SRGAP3: variants seen among roughly 807,000 people sequenced by gnomAD.
SRGAP3 encodes the protein SLIT-ROBO Rho GTPase activating protein 3, also known as SLIT-ROBO Rho GTPase-activating protein 3.
A neutral mutation model predicts 121.1 loss-of-function variants in SRGAP3; 39 were observed. That is an observed-to-expected ratio of 0.32 (90% confidence interval 0.25 to 0.42). The LOEUF is 0.42. Among genes scored for constraint, SRGAP3 ranks in the 10% least tolerant of loss-of-function variants. The pLI is 1.00. For synonymous variants in SRGAP3, 601 were observed against 570.0 expected (o/e 1.05, Z -0.77); for missense variants, 1,213 against 1,470.6 (o/e 0.82, Z 2.86).
intron 3 of SRGAP3, among the ~76,000 whole-genome samples, chr3:9,263,421 T>C (rs1392275049): frequency 3.3e-5 from 5 of 151,532 alleles, no homozygotes; most frequent in African/African-American, 1.2e-4. Context: ...AAAAAATCAA[T>C]GAATCCAGGA....
intron 7 of SRGAP3, 89 bp from the exon 8 acceptor site, chr3:9,056,423 T>G: frequency 5.8e-6 from 8 of 1,373,416 alleles, no homozygotes; most frequent in Non-Finnish European, 8.1e-6. Context: ...AACATCCCAA[T>G]CACAGTCCAG....
intron 3 of SRGAP3, among the ~76,000 whole-genome samples, chr3:9,317,788 G>C (rs908732515): frequency 5.3e-5 from 8 of 152,194 alleles, no homozygotes; most frequent in Non-Finnish European, 1.2e-4. Context: ...GATGCTGCTG[G>C]TCCAGGGACC....
intron 21 of SRGAP3, among the ~76,000 whole-genome samples, chr3:8,989,553 C>G (rs1009404202): frequency 3.3e-5 from 5 of 152,126 alleles, no homozygotes; most frequent in Admixed American, 2.0e-4. Context: ...TCTCACAGAC[C>G]AGAAGGTTCT....
chr3:9,209,742 T>C (rs1952382377), intron 1 of SRGAP3, among the ~76,000 whole-genome samples: 1 of 152,210 alleles, frequency 6.6e-6, no homozygotes, highest in African/African-American at 2.4e-5. Flanking sequence ...TTGCCACCAA[T>C]GGAGTTTGGC....
chr3:9,007,010 G>A (rs1349558698), intron 18 of SRGAP3: 1 of 147,452 alleles, frequency 6.8e-6, no homozygotes, highest in Non-Finnish European at 1.5e-5. Context: ...ACTCAGGCTG[G>A]AGTACAGTGG....
intron 1 of SRGAP3, among the ~76,000 whole-genome samples, chr3:9,190,568 T>C (rs1362102641): frequency 2.6e-5 from 4 of 152,168 alleles, no homozygotes; most frequent in African/African-American, 9.7e-5. Flanking sequence ...TCGATGTATT[T>C]ATAGGCTTAA....
At chr3:9,078,255 G>A (rs1410035662) in intron 4 of SRGAP3, among the ~76,000 whole-genome samples, 1 of 152,108 alleles carries the variant, frequency 6.6e-6, no homozygotes, top group Non-Finnish European at 1.5e-5. Flanking sequence ...AGACCTAGGT[G>A]GGAATGAATG....
At chr3:9,015,165 G>A (rs1355520492) in intron 15 of SRGAP3, among the ~76,000 whole-genome samples, 2 of 152,232 alleles carry the variant, frequency 1.3e-5, no homozygotes, top group Middle Eastern at 6.8e-3. Flanking sequence ...GCTCTGGAAT[G>A]TCTGCAAGGC....
At chr3:9,107,428 A>G (rs1948457594) in intron 2 of SRGAP3, among the ~76,000 whole-genome samples, 1 of 152,258 alleles carries the variant, frequency 6.6e-6, no homozygotes, top group African/African-American at 2.4e-5. Flanking sequence ...TCTGGGTACC[A>G]GGCACGCGGC....
chr3:9,160,244 C>T (rs1458881123), intron 1 of SRGAP3, among the ~76,000 whole-genome samples: 1 of 152,178 alleles, frequency 6.6e-6, no homozygotes, highest in African/African-American at 2.4e-5. Flanking sequence ...TTAAAAGAGA[C>T]CTAAGAGCAT....
At chr3:9,117,148 C>T (rs999588898) in intron 2 of SRGAP3, among the ~76,000 whole-genome samples, 2 of 152,244 alleles carry the variant, frequency 1.3e-5, no homozygotes, top group African/African-American at 4.8e-5. Flanking sequence ...TGAATGGAGA[C>T]ACAAGCCCTA....
At chr3:9,106,150 C>A (rs1487811376) in intron 2 of SRGAP3, among the ~76,000 whole-genome samples, 1 of 152,220 alleles carries the variant, frequency 6.6e-6, no homozygotes, top group Non-Finnish European at 1.5e-5. Context: ...CCTCTGTGAG[C>A]CTCAGGAAAG....
At chr3:9,188,046 G>A (rs1270210661) in intron 1 of SRGAP3, among the ~76,000 whole-genome samples, 8 of 152,322 alleles carry the variant, frequency 5.3e-5, no homozygotes, top group Admixed American at 3.3e-4. Context: ...ATGAGGGGGT[G>A]AGGGGAGAAA....
At chr3:9,341,904 T>C (rs1239299221) in intron 1 of SRGAP3, among the ~76,000 whole-genome samples, 2 of 152,134 alleles carry the variant, frequency 1.3e-5, no homozygotes, top group East Asian at 1.9e-4. Context: ...CAAGAGACAT[T>C]TGTGCTACCG....
chr3:9,034,604 A>G (rs569503566), intron 11 of SRGAP3: 2 of 152,404 alleles, frequency 1.3e-5, no homozygotes, highest in South Asian at 4.1e-4. Flanking sequence ...AAACAATGGA[A>G]ACAAAATAAC....
intron 3 of SRGAP3, among the ~76,000 whole-genome samples, chr3:9,315,286 C>T (rs992631220): frequency 6.6e-6 from 1 of 152,222 alleles, no homozygotes; most frequent in Non-Finnish European, 1.5e-5. Flanking sequence ...AGGGCCCCTG[C>T]CTCTCTCCCA....
intron 1 of SRGAP3, among the ~76,000 whole-genome samples, chr3:9,129,902 T>C (rs532747719): frequency 1.1e-4 from 17 of 151,894 alleles, no homozygotes; most frequent in Non-Finnish European, 2.5e-4. Flanking sequence ...GCTGGGATTA[T>C]AGGCACCGGC....
At position 9,109,096 on chromosome 3, in the gene SRGAP3, G is replaced by A. The variant is rs1948524606; in HGVS notation, c.261-4254C>T. On this transcript the variant is annotated intron_variant, in intron 2 of 21. Transcript: ENST00000383836. This position sits in a 1 kb window ranked among gnomAD's most constrained non-coding sequence, Gnocchi z 4.4. ...CTGCTTCCTAGGTGGTGATGGAAAT[G>A]GAAAGATTAAAGGAGAGATGAGATA... Among the ~76,000 whole-genome samples the A allele has an allele frequency of 6.6e-6, 1 of 152,146 alleles. No individual in the cohort carries two copies. Among genetic ancestry groups the A allele is most frequent in the Admixed American group, 6.5e-5 (1 of 15,278 alleles).
chr3:9,249,998 C>T (rs1953966961), upstream of SRGAP3, among the ~76,000 whole-genome samples: 1 of 152,104 alleles, frequency 6.6e-6, no homozygotes, highest in Non-Finnish European at 1.5e-5. Context: ...AGGGCCTGAC[C>T]CATGTAGGGA....
Sources: allele counts gnomAD v4.1 joint callset (sites outside exome capture counted in the v4.1 genomes callset), GRCh38; gene constraint gnomAD v4.1.1; non-coding constraint Gnocchi (gnomAD v3.1); transcripts MANE v1.5; gene names NCBI Gene and HGNC (gene_info 2026-07-23, HGNC 2026-07-21).